FAM13B: variants seen among roughly 807,000 people sequenced by gnomAD.
FAM13B encodes family with sequence similarity 13 member B.
A neutral mutation model predicts 117.3 loss-of-function variants in FAM13B; 60 were observed. The observed-to-expected ratio is 0.51, with a 90% CI of 0.42 to 0.63. The LOEUF is 0.63. Among genes scored for constraint, FAM13B ranks in the 30% least tolerant of loss-of-function variants. The pLI is 0.00. For missense variants in FAM13B, 972 were observed against 1,091.9 expected, an observed-to-expected ratio of 0.89 and a Z score of 1.55; for synonymous variants, 332 against 356.1, an observed-to-expected ratio of 0.93 and a Z score of 0.76.
chr5:137,941,581 A>C (rs900851934), intron 23 of FAM13B, among the ~76,000 whole-genome samples: 1 of 152,210 alleles, frequency 6.6e-6, no homozygotes, highest in Non-Finnish European at 1.5e-5. Context: ...TAAAATAAAA[A>C]ATCCAAACTA....
At chr5:138,034,166 A>G (rs189197799), upstream of FAM13B, 2 of 152,342 alleles carry the variant, frequency 1.3e-5, no homozygotes, top group East Asian at 1.9e-4. Flanking sequence ...CTGAATAAGA[A>G]TGTTCTATGA....
Position 137,939,077 on chromosome 5 carries a change from T to G in FAM13B, c.*1148A>C, listed in dbSNP as rs1401700430. The G allele has an allele frequency of 6.6e-6, 1 of 152,004 alleles. No individual in the cohort carries two copies. Among genetic ancestry groups the G allele is most frequent in the East Asian group, 1.9e-4 (1 of 5,194 alleles). The allele number at this position is 152,004 out of a possible 1,614,324, so 9.4% of individuals were successfully genotyped here. A position where few individuals can be genotyped will look rare whatever the true frequency, so the allele number is the denominator to read the frequency against. On this transcript the variant is annotated 3_prime_UTR_variant, in exon 24 of 24. Transcript: ENST00000689681. ...TGCAAAGCCAAAGGAAAAAAAGATA[T>G]GCTAAGAGTATATGACAAGGGGCAT...
chr5:138,011,257 T>C, intron 5 of FAM13B, 108 bp from the exon 6 acceptor site: 1 of 1,000,928 alleles, frequency 1.0e-6, no homozygotes, highest in Non-Finnish European at 1.5e-6. Flanking sequence ...TATGTTACCA[T>C]TCTGTGCTTC....
Position 138,032,801 on chromosome 5 carries a change from C to A in FAM13B, c.-222G>T, listed in dbSNP as rs117777211. 1.1e-3 allele frequency: 1,062 copies of A among 985,752 alleles called. 23 individuals are homozygous for A. In the East Asian group the frequency reaches 0.056, roughly 52 times the overall value. 61.1% of individuals were successfully genotyped at this position (985,752 alleles called of 1,614,324 possible). On this transcript the variant is annotated 5_prime_UTR_variant, in exon 1 of 24. Transcript: ENST00000689681. ...ACCTACCGTTGGAACCGCGATGCCC[C>A]GTTCCCTGGCCGCGGCCGCTTCTCC...
chr5:137,954,734 G>A (rs2058821639), intron 14 of FAM13B: 1 of 154,518 alleles, frequency 6.5e-6, no homozygotes, highest in African/African-American at 2.4e-5. Context: ...TCCCACCTTA[G>A]CCTCCCGAGT....
intron 10 of FAM13B, among the ~76,000 whole-genome samples, chr5:137,965,666 A>G (rs1445419079): frequency 6.6e-6 from 1 of 151,952 alleles, no homozygotes; most frequent in African/African-American, 2.4e-5. Context: ...TATCTAGCCT[A>G]CTCTCTCTCT....
chr5:137,990,591 G>A (rs1190330254), intron 7 of FAM13B, among the ~76,000 whole-genome samples: 2 of 151,906 alleles, frequency 1.3e-5, no homozygotes, highest in Admixed American at 1.3e-4. Context: ...TAGGTAAATG[G>A]ATACAAGATA....
At chr5:138,000,845 C>A (rs1160318343) in intron 7 of FAM13B, among the ~76,000 whole-genome samples, 4 of 151,552 alleles carry the variant, frequency 2.6e-5, no homozygotes, top group African/African-American at 9.7e-5. Flanking sequence ...GCGCAATAAT[C>A]CCTTAACTCT....
At chr5:137,975,254 C>A (rs1773578555) in intron 10 of FAM13B, among the ~76,000 whole-genome samples, 1 of 152,184 alleles carries the variant, frequency 6.6e-6, no homozygotes, top group Admixed American at 6.6e-5. Context: ...GCAACTTCTT[C>A]ACCTTACTGT....
At chr5:138,028,254 A>G (rs1198687759) in intron 1 of FAM13B, among the ~76,000 whole-genome samples, 1 of 152,272 alleles carries the variant, frequency 6.6e-6, no homozygotes, top group African/African-American at 2.4e-5. Context: ...ATTTCTTGCA[A>G]CAACGTGGGA....
intron 10 of FAM13B, among the ~76,000 whole-genome samples, chr5:137,975,537 CCA>C (rs35152207): frequency 0.14 from 22,015 of 152,056 alleles, 1,756 homozygotes; most frequent in Non-Finnish European, 0.17. Flanking sequence ...TGATTTCTCC[CCA>C]CAGAGACTCC....
At position 138,019,153 on chromosome 5, in the gene FAM13B, A is replaced by C. The variant is rs1254552685; in HGVS notation, c.-35-7T>G. The C allele has an allele frequency of 6.8e-7, 1 of 1,467,150 alleles. No individual in the cohort carries two copies. The highest frequency in any genetic ancestry group is 9.0e-7 in the Non-Finnish European group (1 of 1,112,646). The allele number at this position is 1,467,150 out of a possible 1,614,324, so 90.9% of individuals were successfully genotyped here. A position where few individuals can be genotyped will look rare whatever the true frequency, so the allele number is the denominator to read the frequency against. Reference sequence around the variant, plus strand: ...GAAATCAAAGCTGTCTTTTCTGCCAAATGAAAGACAAAAAAAAAAGACTAT... The same window carrying C: ...GAAATCAAAGCTGTCTTTTCTGCCACATGAAAGACAAAAAAAAAAGACTAT... On this transcript the variant is annotated splice_polypyrimidine_tract_variant and splice_region_variant and intron_variant, in intron 2 of 23. Transcript: ENST00000689681.
intron 7 of FAM13B, among the ~76,000 whole-genome samples, chr5:137,997,551 A>G (rs1225449941): frequency 6.6e-6 from 1 of 151,966 alleles, no homozygotes; most frequent in Non-Finnish European, 1.5e-5. Context: ...AACAATCTTG[A>G]GATTTCCATG....
chr5:138,010,948 T>G, intron 6 of FAM13B, 60 bp downstream of exon 6: 3 of 1,330,470 alleles, frequency 2.3e-6, no homozygotes, highest in Non-Finnish European at 2.9e-6. Flanking sequence ...TTTAAGAGCA[T>G]ATTATTCTTA....
At chr5:137,981,272 A>G (rs753864243) in intron 10 of FAM13B, among the ~76,000 whole-genome samples, 13 of 151,620 alleles carry the variant, frequency 8.6e-5, no homozygotes, top group African/African-American at 3.2e-4. Context: ...GGAGACAGAC[A>G]ATAAACAGAC....
chr5:138,003,087 G>C (rs1459279557), intron 7 of FAM13B, among the ~76,000 whole-genome samples: 2 of 151,928 alleles, frequency 1.3e-5, no homozygotes, highest in African/African-American at 4.8e-5. Context: ...TTTCATAGAG[G>C]ACACACCTAT....
chr5:137,979,999 TAA>T lies in FAM13B; in HGVS notation c.1179+5256_1179+5257del, dbSNP rs10709915. Reference sequence around the variant, plus strand: ...CAATAAGGAGAAATCCTGTCTCTACTAAAAAAAAAAAAAAAAAAAAAAAATTA... The same window carrying T: ...CAATAAGGAGAAATCCTGTCTCTACTAAAAAAAAAAAAAAAAAAAAAATTA... On this transcript the variant is annotated intron_variant, in intron 10 of 23. Transcript: ENST00000689681. Among the ~76,000 whole-genome samples the T allele has an allele frequency of 7.8e-3, 745 of 95,554 alleles. 4 individuals are homozygous for T. Among genetic ancestry groups the T allele is most frequent in the Middle Eastern group, 0.02 (4 of 200 alleles). 62.7% of individuals were successfully genotyped at this position (95,554 alleles called of 152,430 possible). A position where few individuals can be genotyped will look rare whatever the true frequency, so the allele number is the denominator to read the frequency against.
chr5:137,997,812 G>A (rs1334252375), intron 7 of FAM13B, among the ~76,000 whole-genome samples: 3 of 152,156 alleles, frequency 2.0e-5, no homozygotes, highest in East Asian at 1.9e-4. Flanking sequence ...CTTCAAAACC[G>A]TCTATGAAAG....
In FAM13B at chr5:138,005,836, C is replaced by T. The variant is rs147127643; in HGVS notation, c.848+1154G>A. Reference sequence around the variant, plus strand: ...CCTAAATGGCAATAGATAGCTCTTCCCTTAGATATTACCAGTTACTTTTAA... The same window carrying T: ...CCTAAATGGCAATAGATAGCTCTTCTCTTAGATATTACCAGTTACTTTTAA... On this transcript the variant is annotated intron_variant, in intron 7 of 23. Transcript: ENST00000689681. Among the ~76,000 whole-genome samples the T allele has an allele frequency of 2.0e-3, 300 of 152,052 alleles. 1 individual carries two copies. Among genetic ancestry groups the T allele is most frequent in the African/African-American group, 7.2e-3 (297 of 41,476 alleles).
Sources: allele counts gnomAD v4.1 joint callset (sites outside exome capture counted in the v4.1 genomes callset), GRCh38; gene constraint gnomAD v4.1.1; transcripts MANE v1.5; gene names NCBI Gene and HGNC (gene_info 2026-07-23, HGNC 2026-07-21).